Variants in PRR16 observed in about 807,000 individuals in gnomAD.
PRR16 encodes protein Largen.
Under a neutral mutation model 18.2 loss-of-function variants are expected in PRR16, and 6 were observed. That is an observed-to-expected ratio of 0.33 (90% CI 0.18 to 0.65). PRR16 has a LOEUF of 0.65. Ranked by LOEUF, PRR16 falls within the 30% of genes least tolerant of loss-of-function variation. PRR16 has a pLI of 0.74. For missense variants in PRR16, 412 were observed against 376.6 expected (o/e 1.09, Z -0.78); for synonymous variants, 151 against 147.8 (o/e 1.02, Z -0.16).
intron 1 of PRR16, among the ~76,000 whole-genome samples, chr5:120,569,755 G>A (rs957396144): frequency 4.6e-5 from 7 of 152,098 alleles, no homozygotes; most frequent in African/African-American, 1.7e-4. Context: ...TGAAGAGTGG[G>A]TGACAATTTG....
chr5:120,552,670 T>C (rs1369501030), intron 1 of PRR16, among the ~76,000 whole-genome samples: 1 of 151,944 alleles, frequency 6.6e-6, no homozygotes, highest in Non-Finnish European at 1.5e-5. Flanking sequence ...TATTTTTTGG[T>C]TGTGGAGCAT....
At chr5:120,592,164 C>T (rs928263663) in intron 1 of PRR16, among the ~76,000 whole-genome samples, 4 of 152,092 alleles carry the variant, frequency 2.6e-5, no homozygotes, top group African/African-American at 9.7e-5. Context: ...GTCATACTAC[C>T]CTTCCATAAA....
chr5:120,619,361 G>A (rs1554088849), intron 1 of PRR16, among the ~76,000 whole-genome samples: 1 of 152,070 alleles, frequency 6.6e-6, no homozygotes, highest in Non-Finnish European at 1.5e-5. Flanking sequence ...AGTTGACTAG[G>A]AAAAATAATA....
chr5:120,568,148 A>T (rs1752793778), intron 1 of PRR16, among the ~76,000 whole-genome samples: 1 of 152,178 alleles, frequency 6.6e-6, no homozygotes, highest in South Asian at 2.1e-4. Context: ...AGGTTTGGAG[A>T]ACCCGGAAAA....
chr5:120,694,973 T>C, the PRR16 span, among the ~76,000 whole-genome samples: 48 of 152,144 alleles, frequency 3.2e-4, no homozygotes, highest in African/African-American at 1.1e-3. Context: ...AGCATAAAAG[T>C]TTGTGATATA....
the PRR16 span, among the ~76,000 whole-genome samples, chr5:120,725,036 A>G: frequency 6.6e-6 from 1 of 152,074 alleles, no homozygotes; most frequent in Admixed American, 6.6e-5. Flanking sequence ...TAGAGAGAAG[A>G]TAATTGAAAA....
chr5:120,574,199 C>T (rs1753002509), intron 1 of PRR16, among the ~76,000 whole-genome samples: 1 of 151,952 alleles, frequency 6.6e-6, no homozygotes, highest in African/African-American at 2.4e-5. Flanking sequence ...TTTGTAATAT[C>T]TATACTTGAG....
intron 1 of PRR16, among the ~76,000 whole-genome samples, chr5:120,651,167 A>T (rs1413017739): frequency 1.3e-5 from 2 of 151,674 alleles, no homozygotes; most frequent in African/African-American, 2.4e-5. Context: ...CCACTTTTTG[A>T]TGGGGTTGTT....
the PRR16 span, among the ~76,000 whole-genome samples, chr5:120,697,673 G>A: frequency 4.0e-4 from 61 of 152,148 alleles, no homozygotes; most frequent in East Asian, 5.8e-4. Context: ...GGGTGGGGCC[G>A]TTTTATAGGA....
intron 1 of PRR16, among the ~76,000 whole-genome samples, chr5:120,642,172 A>C (rs1755443674): frequency 6.6e-6 from 1 of 152,016 alleles, no homozygotes; most frequent in Admixed American, 6.6e-5. Flanking sequence ...TATCAGTCTC[A>C]GTTCCATCAG....
At chr5:120,739,650 A>C in the PRR16 span, among the ~76,000 whole-genome samples, 1 of 152,178 alleles carries the variant, frequency 6.6e-6, no homozygotes, top group Non-Finnish European at 1.5e-5. Flanking sequence ...TAAACCTAAC[A>C]ATAGCACCAC....
chr5:120,544,696 T>C (rs1313306303), intron 1 of PRR16, among the ~76,000 whole-genome samples: 1 of 152,110 alleles, frequency 6.6e-6, no homozygotes, highest in African/African-American at 2.4e-5. Context: ...TCATTCGTGA[T>C]TTACCAATGG....
the PRR16 span, among the ~76,000 whole-genome samples, chr5:120,787,376 G>A: frequency 6.6e-6 from 1 of 152,034 alleles, no homozygotes; most frequent in Non-Finnish European, 1.5e-5. Flanking sequence ...TGAGAAGCCT[G>A]GATATATGTA....
At chr5:120,525,847 T>C (rs1367453474) in intron 1 of PRR16, among the ~76,000 whole-genome samples, 2 of 152,146 alleles carry the variant, frequency 1.3e-5, no homozygotes, top group African/African-American at 4.8e-5. Context: ...TGAGCACATT[T>C]TTTAATGAGG....
At chr5:120,654,596 G>A (rs1279370788) in intron 1 of PRR16, among the ~76,000 whole-genome samples, 2 of 151,724 alleles carry the variant, frequency 1.3e-5, no homozygotes, top group East Asian at 1.9e-4. Context: ...TTCAGGAGGG[G>A]AAAAATAAGA....
chr5:120,654,406 A>G (rs1755897156), intron 1 of PRR16, among the ~76,000 whole-genome samples: 1 of 152,046 alleles, frequency 6.6e-6, no homozygotes, highest in African/African-American at 2.4e-5. Flanking sequence ...GGAGAAGACA[A>G]AATTTAATGG....
intron 1 of PRR16, among the ~76,000 whole-genome samples, chr5:120,643,319 A>G (rs1433406420): frequency 5.3e-5 from 8 of 152,084 alleles, no homozygotes; most frequent in African/African-American, 1.2e-4. Context: ...AGCATGCCCA[A>G]TCTCTAGCCC....
chr5:120,757,879 A>G, the PRR16 span, among the ~76,000 whole-genome samples: 1 of 152,134 alleles, frequency 6.6e-6, no homozygotes, highest in Non-Finnish European at 1.5e-5. Context: ...TAGTTTTCAT[A>G]TTCATAACCA....
Position 120,589,063 on chromosome 5 carries a change from T to G in PRR16, c.160-96891T>G, listed in dbSNP as rs547718622. ...CTCTCTGTGCTTCAATTTTATGATC[T>G]ATAAAGTAGAGATGATAATAAAACC... On this transcript the variant is annotated intron_variant, in intron 1 of 1. Transcript: ENST00000407149. Among the ~76,000 whole-genome samples the G allele has an allele frequency of 3.9e-5, 6 of 152,206 alleles. No homozygotes were observed. The East Asian group carries it at 1.2e-3, about 29-fold the overall frequency.
Sources: allele counts gnomAD v4.1 joint callset (sites outside exome capture counted in the v4.1 genomes callset), GRCh38; gene constraint gnomAD v4.1.1; transcripts MANE v1.5; gene names NCBI Gene and HGNC (gene_info 2026-07-23, HGNC 2026-07-21).